LAMA2: variants seen among roughly 807,000 people sequenced by gnomAD.
The protein encoded by LAMA2 is laminin subunit alpha-2.
Under a neutral mutation model 364.8 loss-of-function variants are expected in LAMA2, and 269 were observed. That is an observed-to-expected ratio of 0.74 (90% CI 0.67 to 0.82). LAMA2 has a LOEUF of 0.82. Among genes scored for constraint, LAMA2 ranks in the 40% least tolerant of loss-of-function variants. The pLI is 0.00. For synonymous variants in LAMA2, 1,379 were observed against 1,370.6 expected (o/e 1.01, Z -0.14); for missense variants, 3,807 against 3,873.2 (o/e 0.98, Z 0.45).
intron 27 of LAMA2, among the ~76,000 whole-genome samples, chr6:129,319,880 C>T (rs779417197): frequency 3.3e-5 from 5 of 152,218 alleles, no homozygotes; most frequent in South Asian, 4.1e-4. Context: ...TGCCTGTAAT[C>T]CCAGCACTTC....
intron 12 of LAMA2, among the ~76,000 whole-genome samples, chr6:129,218,269 TGAAG>T (rs1272910352): frequency 6.6e-6 from 1 of 152,180 alleles, no homozygotes; most frequent in East Asian, 1.9e-4. Context: ...TTTAATTTCT[TGAAG>T]GAAGGAACGC....
intron 1 of LAMA2, among the ~76,000 whole-genome samples, chr6:128,949,226 A>G (rs1221157960): frequency 1.3e-5 from 2 of 152,204 alleles, no homozygotes; most frequent in Admixed American, 6.5e-5. Flanking sequence ...ACTCAAAACC[A>G]GACCTTGACT....
chr6:129,377,400 A>G (rs1434999910), intron 34 of LAMA2, among the ~76,000 whole-genome samples: 1 of 152,026 alleles, frequency 6.6e-6, no homozygotes, highest in Admixed American at 6.5e-5. Context: ...AGATATATAT[A>G]TAATATAAAA....
intron 1 of LAMA2, among the ~76,000 whole-genome samples, chr6:128,942,804 T>G (rs1195139092): frequency 1.1e-4 from 16 of 152,228 alleles, no homozygotes; most frequent in Admixed American, 1.0e-3. Context: ...CTGCCTCAGT[T>G]GCAGTTCAGC....
At position 129,297,799 on chromosome 6, in the gene LAMA2, G is replaced by C; in HGVS notation, c.2971G>C (p.Val991Leu). Residue 991 changes from valine to leucine, a missense_variant, in exon 21 of 65, where the codon GTC becomes CTC. Coordinates refer to ENST00000421865, the MANE Select transcript of LAMA2 (RefSeq NM_000426.4). Reference protein sequence around the residue: ...ESGQCWCQPGVTGKKCDRCAH... With the variant: ...ESGQCWCQPGLTGKKCDRCAH... ...TGGACAATGTTGGTGCCAACCTGGA[G>C]TCACAGGGAAGAAATGTGACCGCTG... is the stretch of plus-strand genomic sequence containing the variant. 1 of 1,614,062 alleles carries C rather than the reference G, an allele frequency of 6.2e-7. No homozygotes were observed.
chr6:129,434,372 A>T (rs545953546), intron 41 of LAMA2, among the ~76,000 whole-genome samples: 2 of 151,986 alleles, frequency 1.3e-5, no homozygotes, highest in Non-Finnish European at 2.9e-5. Flanking sequence ...CTTCTACTCT[A>T]TGAGGAGGAG....
intron 1 of LAMA2, among the ~76,000 whole-genome samples, chr6:128,937,538 A>G (rs112908940): frequency 3.9e-4 from 60 of 152,002 alleles, no homozygotes; most frequent in African/African-American, 1.2e-3. Flanking sequence ...GGTCGATTCT[A>G]TGTGTCTAGC....
chr6:128,989,889 G>T (rs772923092), intron 1 of LAMA2, among the ~76,000 whole-genome samples: 1 of 151,798 alleles, frequency 6.6e-6, no homozygotes, highest in Admixed American at 6.6e-5. Flanking sequence ...TAGACAGCAC[G>T]TTTTTTTTCT....
At chr6:129,419,555 G>A (rs943124945) in intron 40 of LAMA2, among the ~76,000 whole-genome samples, 1 of 152,102 alleles carries the variant, frequency 6.6e-6, no homozygotes, top group Non-Finnish European at 1.5e-5. Flanking sequence ...TAGGTACTGA[G>A]CAATTATGTC....
rs780019944 is a variant in LAMA2, at chr6:129,350,790, CTAAA to C, written c.4523+1410_4523+1413del. On this transcript the variant is annotated intron_variant, in intron 31 of 64. Transcript: ENST00000421865. ...CTGTATTAATCATGGCAATAAGTAA[CTAAA>C]TAATTAGGGTTAAGCTTTATAAATC... Among the ~76,000 whole-genome samples the C allele has an allele frequency of 3.3e-5, 5 of 152,296 alleles. No homozygotes were observed. The South Asian group carries it at 1.0e-3, about 32-fold the overall frequency.
chr6:129,280,618 A>T (rs1788652569), intron 18 of LAMA2, among the ~76,000 whole-genome samples: 1 of 152,190 alleles, frequency 6.6e-6, no homozygotes. Context: ...ATCATGATTT[A>T]TATCCTCTTC....
intron 1 of LAMA2, among the ~76,000 whole-genome samples, chr6:128,887,030 T>A (rs548181148): frequency 6.6e-6 from 1 of 152,336 alleles, no homozygotes; most frequent in South Asian, 2.1e-4. Context: ...ATTCTTAAAA[T>A]GTCAAGAAAA....
intron 12 of LAMA2, among the ~76,000 whole-genome samples, chr6:129,201,075 GA>G (rs1232591646): frequency 2.0e-5 from 3 of 152,014 alleles, no homozygotes; most frequent in East Asian, 3.9e-4. Context: ...GCCTGAGGGG[GA>G]AAAAATGTGG....
intron 1 of LAMA2, among the ~76,000 whole-genome samples, chr6:128,961,167 C>T (rs1413282839): frequency 6.6e-6 from 1 of 150,972 alleles, no homozygotes; most frequent in Non-Finnish European, 1.5e-5. Flanking sequence ...AGAATAATCA[C>T]ACTCTACAAT....
intron 9 of LAMA2, among the ~76,000 whole-genome samples, chr6:129,170,655 G>A (rs1180218484): frequency 2.6e-5 from 4 of 151,834 alleles, no homozygotes; most frequent in African/African-American, 9.7e-5. Context: ...TTGGGGTGGA[G>A]AGTTCTGTAG....
intron 1 of LAMA2, among the ~76,000 whole-genome samples, chr6:129,011,650 C>A (rs913401424): frequency 7.9e-5 from 12 of 152,172 alleles, no homozygotes; most frequent in African/African-American, 2.9e-4. Flanking sequence ...AAGAAATGAA[C>A]TTTCCAGAGA....
chr6:129,122,299 C>A (rs17056825), intron 4 of LAMA2, among the ~76,000 whole-genome samples: 39,188 of 151,946 alleles, frequency 0.26, 5,878 homozygotes, highest in African/African-American at 0.42. Flanking sequence ...CCTTGTATAC[C>A]AAATGTTTCA....
intron 1 of LAMA2, among the ~76,000 whole-genome samples, chr6:129,028,126 A>G (rs982397979): frequency 6.6e-6 from 1 of 151,928 alleles, no homozygotes; most frequent in Non-Finnish European, 1.5e-5. Context: ...AAAAACAAGG[A>G]TAAGAATTAG....
At position 129,183,346 on chromosome 6, in the gene LAMA2, T is replaced by G. The variant is rs573493500; in HGVS notation, c.1467+5480T>G. On this transcript the variant is annotated intron_variant, in intron 10 of 64. Transcript: ENST00000421865. ...ATAATATAAATTGACATTGATCTAG[T>G]TAGGAACATGTGCTTTTATTTTTAT... Among the ~76,000 whole-genome samples the G allele has an allele frequency of 3.9e-5, 6 of 152,128 alleles. No homozygotes were observed. In the East Asian group the frequency reaches 1.2e-3, roughly 29 times the overall value.
Sources: allele counts gnomAD v4.1 joint callset (sites outside exome capture counted in the v4.1 genomes callset), GRCh38; gene constraint gnomAD v4.1.1; transcripts MANE v1.5; gene names NCBI Gene and HGNC (gene_info 2026-07-23, HGNC 2026-07-21).